Variants in CSMD2 observed in about 807,000 individuals in gnomAD.
The protein encoded by CSMD2 is CUB and Sushi multiple domains 2.
In CSMD2, 130 loss-of-function variants were observed where a neutral mutation model predicts 398.5. That is an observed-to-expected ratio of 0.33 (90% CI 0.28 to 0.38). CSMD2 has a LOEUF of 0.38. CSMD2 is among the 10% of genes least tolerant of loss of function. The pLI, the probability that CSMD2 is intolerant of heterozygous loss-of-function variation, is 1.00. For synonymous variants in CSMD2, 1,828 were observed against 1,908.5 expected, an observed-to-expected ratio of 0.96 and a Z score of 1.10; for missense variants, 3,829 against 4,764.9, an observed-to-expected ratio of 0.80 and a Z score of 5.78.
intron 26 of CSMD2, among the ~76,000 whole-genome samples, chr1:33,661,866 T>G (rs1376822268): frequency 6.6e-6 from 1 of 152,046 alleles, no homozygotes; most frequent in Admixed American, 6.5e-5. Context: ...GGGAAAGAGC[T>G]CGGGGGCAAA....
At chr1:33,999,609 C>A (rs1646835706) in intron 3 of CSMD2, among the ~76,000 whole-genome samples, 2 of 151,788 alleles carry the variant, frequency 1.3e-5, no homozygotes, top group Admixed American at 1.3e-4. Context: ...CCAGTCTGGT[C>A]TCAAACTCCT....
At chr1:33,946,769 CCA>C (rs1208401027) in intron 3 of CSMD2, among the ~76,000 whole-genome samples, 1 of 54,900 alleles carries the variant, frequency 1.8e-5, no homozygotes, top group African/African-American at 8.6e-5. Context: ...CAGGCGCGCA[CCA>C]CCCACCATGT....
intron 1 of CSMD2, among the ~76,000 whole-genome samples, chr1:34,099,366 G>C (rs1466660546): frequency 6.6e-6 from 1 of 152,202 alleles, no homozygotes; most frequent in Non-Finnish European, 1.5e-5. Context: ...TGCTAGAGGG[G>C]TACACAGAGT....
chr1:33,959,641 T>C (rs1435345038), intron 3 of CSMD2, among the ~76,000 whole-genome samples: 1 of 152,148 alleles, frequency 6.6e-6, no homozygotes, highest in African/African-American at 2.4e-5. Flanking sequence ...ACTCCTTCCA[T>C]AGGGGCCTTC....
chr1:34,126,394 G>A (rs960924991), intron 1 of CSMD2, among the ~76,000 whole-genome samples: 1 of 152,186 alleles, frequency 6.6e-6, no homozygotes, highest in Non-Finnish European at 1.5e-5. Context: ...AATGGGGCTA[G>A]GCAGAACCCA....
At chr1:33,599,940 T>C in intron 44 of CSMD2, 2 of 583,828 alleles carry the variant, frequency 3.4e-6, no homozygotes. Flanking sequence ...CTGTAGCAGA[T>C]ACTGCAGCAG....
intron 19 of CSMD2, among the ~76,000 whole-genome samples, chr1:33,718,117 C>T (rs543438921): frequency 5.9e-5 from 9 of 152,240 alleles, no homozygotes; most frequent in African/African-American, 1.7e-4. Context: ...TGTCCAAGGT[C>T]GCCCAGCTAG....
intron 2 of CSMD2, among the ~76,000 whole-genome samples, chr1:34,071,815 A>G (rs1655760918): frequency 6.6e-6 from 1 of 152,282 alleles, no homozygotes. Flanking sequence ...TGAAACAGCC[A>G]AGAGCAGTAC....
At chr1:33,731,422 T>A (rs1571375224) in intron 15 of CSMD2, among the ~76,000 whole-genome samples, 1 of 152,186 alleles carries the variant, frequency 6.6e-6, no homozygotes, top group South Asian at 2.1e-4. Flanking sequence ...GTTGAAGACA[T>A]TGCCTACAAG....
chr1:33,638,012 G>A (rs539798718), intron 29 of CSMD2, among the ~76,000 whole-genome samples: 102 of 152,308 alleles, frequency 6.7e-4, no homozygotes, highest in Non-Finnish European at 1.1e-3. Context: ...GGAACTCTGA[G>A]AGTCTCACTA....
At chr1:33,657,906 G>A (rs367614244) in intron 27 of CSMD2, 40 bp downstream of exon 27, 1 of 1,571,104 alleles carries the variant, frequency 6.4e-7, no homozygotes, top group African/African-American at 1.3e-5. Context: ...ACACAACTGT[G>A]AGCCCCAAGA....
At chr1:33,531,160 A>G (rs905220693) in intron 64 of CSMD2, among the ~76,000 whole-genome samples, 1 of 152,234 alleles carries the variant, frequency 6.6e-6, no homozygotes, top group African/African-American at 2.4e-5. Flanking sequence ...AATTAACATG[A>G]CTTTGCCACT....
At chr1:33,759,083 G>T (rs1649438019) in intron 13 of CSMD2, among the ~76,000 whole-genome samples, 1 of 152,174 alleles carries the variant, frequency 6.6e-6, no homozygotes, top group Non-Finnish European at 1.5e-5. Flanking sequence ...GGGTATGAAG[G>T]AAATAAAAAG....
intron 2 of CSMD2, among the ~76,000 whole-genome samples, chr1:34,062,549 G>A (rs1570974302): frequency 6.6e-6 from 1 of 152,306 alleles, no homozygotes; most frequent in East Asian, 1.9e-4. Context: ...TGGTGAAGAG[G>A]GCAGAGGGAG....
chr1:33,813,627 G>A (rs1277921937), intron 9 of CSMD2, among the ~76,000 whole-genome samples: 1 of 152,008 alleles, frequency 6.6e-6, no homozygotes, highest in Non-Finnish European at 1.5e-5. Flanking sequence ...CATATAATGG[G>A]AACAGTATCC....
intron 13 of CSMD2, among the ~76,000 whole-genome samples, chr1:33,764,426 G>A (rs944905128): frequency 2.0e-5 from 3 of 152,136 alleles, no homozygotes; most frequent in Admixed American, 6.6e-5. Flanking sequence ...TCAGATCACT[G>A]GGAGAATTCT....
At chr1:33,882,885 C>G (rs1641334236) in intron 5 of CSMD2, among the ~76,000 whole-genome samples, 1 of 152,094 alleles carries the variant, frequency 6.6e-6, no homozygotes, top group South Asian at 2.1e-4. Flanking sequence ...CGGATGCAGT[C>G]TAGAGCCAAC....
intron 4 of CSMD2, among the ~76,000 whole-genome samples, chr1:33,922,911 T>C (rs1226942582): frequency 1.3e-5 from 2 of 152,204 alleles, no homozygotes; most frequent in Non-Finnish European, 1.5e-5. Flanking sequence ...TTTTGGTTTT[T>C]CAGTTTTTTA....
chr1:33,823,079 G>C (rs1276023850), intron 7 of CSMD2, among the ~76,000 whole-genome samples: 4 of 152,154 alleles, frequency 2.6e-5, no homozygotes, highest in Non-Finnish European at 5.9e-5. Context: ...GCCCCATCAG[G>C]ACGGGGCTGG....
Sources: gnomAD v4.1 joint callset for allele counts (sites outside exome capture counted in the v4.1 genomes callset) on GRCh38, gnomAD v4.1.1 for gene constraint, MANE v1.5 for transcripts, NCBI Gene and HGNC (gene_info 2026-07-23, HGNC 2026-07-21) for gene names.